The following B3GLCT variants were observed in gnomAD, a reference collection of about 807,000 sequenced individuals.
B3GLCT encodes beta-1,3-glucosyltransferase.
A neutral mutation model predicts 63.4 loss-of-function variants in B3GLCT; 65 were observed. That is an observed-to-expected ratio of 1.03 (90% CI 0.84 to 1.26). B3GLCT has a LOEUF of 1.26. Among genes scored for constraint, B3GLCT ranks in the 50% most tolerant of loss-of-function variants. B3GLCT has a pLI of 0.00. For missense variants in B3GLCT, 577 were observed against 604.8 expected (o/e 0.95, Z 0.48); for synonymous variants, 233 against 219.2 (o/e 1.06, Z -0.55).
chr13:31,244,869 G>A (rs1871124120), intron 4 of B3GLCT, among the ~76,000 whole-genome samples: 1 of 152,124 alleles, frequency 6.6e-6, no homozygotes, highest in Non-Finnish European at 1.5e-5. Flanking sequence ...AGTTAATCAA[G>A]AGCAGGTTTC....
chr13:31,276,845 C>T, intron 10 of B3GLCT, 74 bp downstream of exon 10: 1 of 1,143,600 alleles, frequency 8.7e-7, no homozygotes, highest in Non-Finnish European at 1.3e-6. Flanking sequence ...CCAATGAATT[C>T]TTGAGTGTAA....
intron 12 of B3GLCT, among the ~76,000 whole-genome samples, chr13:31,317,191 T>G (rs896499935): frequency 3.9e-5 from 6 of 152,154 alleles, no homozygotes; most frequent in African/African-American, 1.4e-4. Context: ...GAGGATTAGT[T>G]CACACTCACT....
chr13:31,317,471 A>G (rs1875101695), intron 12 of B3GLCT, 95 bp from the exon 13 acceptor site: 1 of 1,405,412 alleles, frequency 7.1e-7, no homozygotes, highest in South Asian at 1.2e-5. Flanking sequence ...GTTTAGTATT[A>G]CACAGTATAC....
chr13:31,280,229 C>T (rs934855675), intron 10 of B3GLCT, among the ~76,000 whole-genome samples: 4 of 152,130 alleles, frequency 2.6e-5, no homozygotes, highest in African/African-American at 9.7e-5. Flanking sequence ...GAAATCTTTA[C>T]AATTTATGTT....
At chr13:31,286,853 A>T (rs947525624) in intron 12 of B3GLCT, 34 bp downstream of exon 12, 17 of 1,415,972 alleles carry the variant, frequency 1.2e-5, no homozygotes, top group Non-Finnish European at 1.7e-5. Context: ...ATGGCTTTAA[A>T]TTCTACATAT....
chr13:31,207,274 G>A (rs1014481344), intron 1 of B3GLCT, among the ~76,000 whole-genome samples: 6 of 147,884 alleles, frequency 4.1e-5, no homozygotes, highest in Non-Finnish European at 7.5e-5. Context: ...TAAAGGAATC[G>A]CGTAAACTGC....
chr13:31,254,769 T>G (rs1871640593), intron 6 of B3GLCT, among the ~76,000 whole-genome samples: 1 of 152,110 alleles, frequency 6.6e-6, no homozygotes, highest in Admixed American at 6.5e-5. Context: ...AACCCCATAG[T>G]GGCCAGGTGC....
chr13:31,247,870 T>C lies in B3GLCT; in HGVS notation c.363T>C (p.Tyr121=). The change falls in exon 6 of 15, where the codon TAT becomes TAC. Residue 121 remains tyrosine (Y), a synonymous_variant. Transcript: ENST00000343307. ...TTTTGGTCAGTTTTTCTGTAACATA[T>C]AGCAGAAATTCATCTTGGATTTTCT... is the stretch of plus-strand genomic sequence containing the variant. ...LPLLPHFSVT[Y]SRNSSWIFFC... The C allele has an allele frequency of 4.4e-6, 7 of 1,588,042 alleles. No homozygotes were observed. The highest frequency in any genetic ancestry group is 6.1e-6 in the Non-Finnish European group (7 of 1,156,716).
At chr13:31,204,441 G>A (rs987580665) in intron 1 of B3GLCT, among the ~76,000 whole-genome samples, 2 of 152,162 alleles carry the variant, frequency 1.3e-5, no homozygotes, top group African/African-American at 4.8e-5. Flanking sequence ...AGGCTTCCTA[G>A]AGGATGTGAC....
At chr13:31,208,729 C>T (rs112236990) in intron 1 of B3GLCT, among the ~76,000 whole-genome samples, 4 of 151,840 alleles carry the variant, frequency 2.6e-5, no homozygotes, top group African/African-American at 7.2e-5. Flanking sequence ...CTCCCACAGC[C>T]GTCCCACACA....
At chr13:31,274,373 A>C in intron 8 of B3GLCT, 136 bp from the exon 9 acceptor site, 1 of 1,122,976 alleles carries the variant, frequency 8.9e-7, no homozygotes, top group Admixed American at 1.9e-5. Flanking sequence ...AGTCCTGTTG[A>C]ATACTGACAA....
At chr13:31,272,218 CT>C (rs11433454) in intron 8 of B3GLCT, among the ~76,000 whole-genome samples, 156 of 136,204 alleles carry the variant, frequency 1.1e-3, no homozygotes, top group African/African-American at 3.0e-3. Flanking sequence ...TCTATTTTTC[CT>C]TTTTTTTTTT....
At chr13:31,309,702 C>G (rs904163871) in intron 12 of B3GLCT, among the ~76,000 whole-genome samples, 1 of 152,282 alleles carries the variant, frequency 6.6e-6, no homozygotes, top group Middle Eastern at 3.4e-3. Context: ...TGCTCAACCC[C>G]CAGGAATCTG....
rs1177648000 is a variant in B3GLCT, at chr13:31,208,898, C to A, written c.71-6153C>A. On this transcript the variant is annotated intron_variant, in intron 1 of 14. Transcript: ENST00000343307. ...CCTTCAGCCTCATTTCTAGCCCCAG[C>A]CACCCGTCCCCACAGGGGTTCCTGC... is the stretch of plus-strand genomic sequence containing the variant. Among the ~76,000 whole-genome samples the A allele has an allele frequency of 3.3e-5, 5 of 152,068 alleles. No individual in the cohort carries two copies. In the South Asian group the frequency reaches 6.2e-4, roughly 19 times the overall value.
intron 2 of B3GLCT, among the ~76,000 whole-genome samples, chr13:31,221,955 A>G (rs1869830100): frequency 6.6e-6 from 1 of 152,170 alleles, no homozygotes; most frequent in Admixed American, 6.5e-5. Context: ...TGCCAGATAA[A>G]TCTTTTGAGA....
intron 12 of B3GLCT, chr13:31,313,025 T>C (rs1874803049): frequency 6.6e-6 from 1 of 152,228 alleles, no homozygotes; most frequent in Non-Finnish European, 1.5e-5. Context: ...TAAACCTGAT[T>C]GGAAGTCTTG....
chr13:31,240,247 C>T (rs1280827633), intron 4 of B3GLCT, among the ~76,000 whole-genome samples: 1 of 152,142 alleles, frequency 6.6e-6, no homozygotes, highest in East Asian at 1.9e-4. Context: ...ATGGAGCTAA[C>T]CTAGCTGCTT....
intron 6 of B3GLCT, among the ~76,000 whole-genome samples, chr13:31,259,352 TTCC>T (rs145534449): frequency 0.014 from 2,103 of 152,204 alleles, 51 homozygotes; most frequent in African/African-American, 0.049. Context: ...ATGATAGGAC[TTCC>T]TATAGAAGGA....
At chr13:31,290,172 C>T (rs1441847082) in intron 12 of B3GLCT, among the ~76,000 whole-genome samples, 1 of 152,148 alleles carries the variant, frequency 6.6e-6, no homozygotes, top group Non-Finnish European at 1.5e-5. Context: ...CCAGATTCAT[C>T]CATGTCCGTG....
Sources: gnomAD v4.1 joint callset for allele counts (sites outside exome capture counted in the v4.1 genomes callset) on GRCh38, gnomAD v4.1.1 for gene constraint, MANE v1.5 for transcripts, NCBI Gene and HGNC (gene_info 2026-07-23, HGNC 2026-07-21) for gene names.